WARS2: variants seen among roughly 807,000 people sequenced by gnomAD.
WARS2 encodes the protein tryptophan--tRNA ligase, mitochondrial.
A neutral mutation model predicts 36.5 loss-of-function variants in WARS2; 28 were observed. That is an observed-to-expected ratio of 0.77 (90% CI 0.57 to 1.05). The LOEUF is 1.05. Ranked by LOEUF, WARS2 falls within the 50% of genes least tolerant of loss-of-function variation. The pLI is 0.00. For missense variants in WARS2, 435 were observed against 456.8 expected (o/e 0.95, Z 0.44); for synonymous variants, 174 against 178.4 (o/e 0.98, Z 0.20).
At chr1:119,123,570 CTG>C (rs138800630) in intron 1 of WARS2, among the ~76,000 whole-genome samples, 13,726 of 151,934 alleles carry the variant, frequency 0.09, 852 homozygotes, top group Non-Finnish European at 0.13. Flanking sequence ...GTGTTTTTGA[CTG>C]TGTGCAAGAG....
At chr1:119,056,305 G>A (rs1420663653) in intron 2 of WARS2, among the ~76,000 whole-genome samples, 1 of 149,682 alleles carries the variant, frequency 6.7e-6, no homozygotes, top group African/African-American at 2.5e-5. Flanking sequence ...CCAAAGTGCT[G>A]GGATTACAGG....
intron 1 of WARS2, chr1:119,082,619 T>C (rs1204830344): frequency 9.1e-6 from 2 of 220,190 alleles, no homozygotes; most frequent in East Asian, 1.8e-4. Context: ...TTAGAACTTC[T>C]TGGCTTCAAG....
chr1:119,124,883 A>C (rs912477302), intron 1 of WARS2, among the ~76,000 whole-genome samples: 4 of 152,182 alleles, frequency 2.6e-5, no homozygotes, highest in African/African-American at 9.7e-5. Context: ...TACTATTACT[A>C]TAATAAACAG....
At chr1:119,059,171 A>G (rs1650152608) in intron 2 of WARS2, among the ~76,000 whole-genome samples, 1 of 151,710 alleles carries the variant, frequency 6.6e-6, no homozygotes, top group Non-Finnish European at 1.5e-5. Context: ...TTTCTTGTAA[A>G]TTTGTTTGAG....
chr1:119,052,228 G>T (rs974499950), intron 2 of WARS2, among the ~76,000 whole-genome samples: 1 of 152,104 alleles, frequency 6.6e-6, no homozygotes. Flanking sequence ...GTAAATCCTG[G>T]ATCAAATCTC....
chr1:119,061,430 A>G (rs1334559997), intron 2 of WARS2, among the ~76,000 whole-genome samples: 2 of 152,242 alleles, frequency 1.3e-5, no homozygotes, highest in African/African-American at 4.8e-5. Context: ...AAATAATATC[A>G]TTATAAAGTC....
chr1:119,140,337 G>A (rs1656863061), intron 1 of WARS2: 1 of 398,662 alleles, frequency 2.5e-6, no homozygotes, highest in African/African-American at 2.1e-5. Context: ...GTCAGAAAGC[G>A]GCGCGCTTTT....
intron 1 of WARS2, among the ~76,000 whole-genome samples, chr1:119,117,593 T>C (rs1655055959): frequency 6.6e-6 from 1 of 152,218 alleles, no homozygotes; most frequent in Admixed American, 6.5e-5. Context: ...GTCCTGAGTC[T>C]GTTCACGTGA....
At chr1:119,089,325 G>T (rs2101397226) in intron 1 of WARS2, among the ~76,000 whole-genome samples, 1 of 152,174 alleles carries the variant, frequency 6.6e-6, no homozygotes, top group South Asian at 2.1e-4. Flanking sequence ...AACCACATTT[G>T]CATCATCAGA....
chr1:119,130,736 TTAAA>T lies in WARS2; in HGVS notation c.90+9815_90+9818del, dbSNP rs1391654004. ...TTTTTTCACTGAATTCATTCACTCA[TTAAA>T]TACTTATTGAGCTCCTTCTGTAACA... On this transcript the variant is annotated intron_variant, in intron 1 of 5. Transcript: ENST00000235521. Among the ~76,000 whole-genome samples, 6 of 152,322 alleles carry T rather than the reference TTAAA, an allele frequency of 3.9e-5. No individual in the cohort carries two copies. The South Asian group carries it at 1.0e-3, about 26-fold the overall frequency.
At chr1:119,127,840 T>C (rs1655782924) in intron 1 of WARS2, among the ~76,000 whole-genome samples, 1 of 152,210 alleles carries the variant, frequency 6.6e-6, no homozygotes, top group Admixed American at 6.5e-5. Flanking sequence ...ATGGTCATGT[T>C]CAAGTTTCTT....
intron 2 of WARS2, among the ~76,000 whole-genome samples, chr1:119,059,275 A>C (rs1650162421): frequency 6.6e-6 from 1 of 151,800 alleles, no homozygotes; most frequent in Non-Finnish European, 1.5e-5. Flanking sequence ...CTCTGATGGT[A>C]GTTTCTTTTG....
At chr1:119,093,020 A>G (rs1051703317) in intron 1 of WARS2, among the ~76,000 whole-genome samples, 1 of 152,132 alleles carries the variant, frequency 6.6e-6, no homozygotes, top group Non-Finnish European at 1.5e-5. Context: ...ATGAATCTCC[A>G]CTGATTCTTC....
intron 1 of WARS2, among the ~76,000 whole-genome samples, chr1:119,120,862 C>T (rs1280704722): frequency 2.0e-5 from 3 of 151,804 alleles, no homozygotes; most frequent in African/African-American, 7.3e-5. Flanking sequence ...TGATTAAAAC[C>T]CTTAGGAAAA....
intron 1 of WARS2, among the ~76,000 whole-genome samples, chr1:119,128,003 A>G (rs923200142): frequency 3.3e-5 from 5 of 152,188 alleles, no homozygotes; most frequent in African/African-American, 1.2e-4. Context: ...TTCTGCACTA[A>G]TAACTCTTCT....
chr1:119,078,897 C>CGTGT (rs144044142), intron 1 of WARS2, among the ~76,000 whole-genome samples: 77 of 148,424 alleles, frequency 5.2e-4, no homozygotes, highest in South Asian at 1.5e-3. Context: ...TGAAGGTGCA[C>CGTGT]GTGTGTGTGT....
intron 1 of WARS2, among the ~76,000 whole-genome samples, chr1:119,097,794 AATACTAC>A (rs1410541231): frequency 1.3e-5 from 2 of 152,208 alleles, no homozygotes; most frequent in African/African-American, 2.4e-5. Flanking sequence ...AGTAGAAATG[AATACTAC>A]ATGAGGCTTA....
At chr1:119,033,500 C>A (rs952658183) in intron 5 of WARS2, 141 bp from the exon 6 acceptor site, 1 of 1,025,238 alleles carries the variant, frequency 9.8e-7, no homozygotes, top group Non-Finnish European at 1.4e-6. Flanking sequence ...AATGTGATAT[C>A]CATTCAGTAG....
chr1:119,073,376 C>A (rs587763600), intron 2 of WARS2, among the ~76,000 whole-genome samples: 17 of 152,114 alleles, frequency 1.1e-4, no homozygotes, highest in African/African-American at 4.1e-4. Flanking sequence ...TTGCCTGAGC[C>A]AAAGGACGAA....
Sources: gnomAD v4.1 joint callset for allele counts (sites outside exome capture counted in the v4.1 genomes callset) on GRCh38, gnomAD v4.1.1 for gene constraint, MANE v1.5 for transcripts, NCBI Gene and HGNC (gene_info 2026-07-23, HGNC 2026-07-21) for gene names.